The following EGFLAM variants were observed in gnomAD, a reference collection of about 807,000 sequenced individuals.
EGFLAM encodes the protein EGF like, fibronectin type III and laminin G domains.
A neutral mutation model predicts 113.1 loss-of-function variants in EGFLAM; 79 were observed. The observed-to-expected ratio is 0.70, with a 90% CI of 0.58 to 0.84. EGFLAM has a LOEUF of 0.84. EGFLAM is among the 40% of genes least tolerant of loss of function. EGFLAM has a pLI of 0.00. For synonymous variants in EGFLAM, 504 were observed against 487.6 expected, an observed-to-expected ratio of 1.03 and a Z score of -0.44; for missense variants, 1,265 against 1,291.6, an observed-to-expected ratio of 0.98 and a Z score of 0.32.
At position 38,370,379 on chromosome 5, in the gene EGFLAM, C is replaced by T; in HGVS notation, c.629C>T (p.Thr210Ile). 1.9e-6 allele frequency: 3 copies of T among 1,614,194 alleles called. No homozygotes were observed. In the East Asian group the frequency reaches 6.7e-5, roughly 36 times the overall value. ...GTTATCAAGGGCCTCGATCCAGATA[C>T]CAACTACCAGTTTGCCGTGAGGGCA... The part of the protein sequence containing the change: ...SMVIKGLDPD[T>I]NYQFAVRAMN... The change falls in exon 6 of 22, where the codon ACC becomes ATC. Residue 210 changes from threonine to isoleucine, a missense_variant. Thr to Ile is a moderately conservative substitution (Grantham distance 89). Transcript: ENST00000322350.
chr5:38,412,581 T>A lies in EGFLAM; in HGVS notation c.1427T>A (p.Leu476His). The change falls in exon 11 of 22, where the codon CTC becomes CAC. Residue 476 changes from leucine (L) to histidine (H), a missense_variant. By Grantham distance (99) the Leu-to-His change is moderately conservative. Coordinates refer to ENST00000322350, the MANE Select transcript of EGFLAM (RefSeq NM_152403.4). ...IKLGGWHTVMLYRDGLNGLLQ... is the reference protein window; with the variant it reads ...IKLGGWHTVMHYRDGLNGLLQ... ...CTAGGGGGTTGGCACACGGTTATGC[T>A]CTACAGAGATGGGCTGAACGGGCTG... 1 of 1,614,144 alleles carries A rather than the reference T, an allele frequency of 6.2e-7. No individual in the cohort carries two copies. The highest frequency in any genetic ancestry group is 1.1e-5 in the South Asian group (1 of 91,076).
chr5:38,439,659 C>G (rs1700105315), intron 17 of EGFLAM, among the ~76,000 whole-genome samples: 1 of 152,190 alleles, frequency 6.6e-6, no homozygotes, highest in African/African-American at 2.4e-5. Flanking sequence ...ATCTACATGG[C>G]AAATCTTCCT....
chr5:38,412,911 G>A (rs1741529861), intron 11 of EGFLAM, among the ~76,000 whole-genome samples: 1 of 152,182 alleles, frequency 6.6e-6, no homozygotes, highest in Admixed American at 6.5e-5. Flanking sequence ...CATCATTGCT[G>A]TTGGTGCATA....
At chr5:38,281,474 A>G (rs1243890233) in intron 1 of EGFLAM, among the ~76,000 whole-genome samples, 1 of 152,242 alleles carries the variant, frequency 6.6e-6, no homozygotes, top group East Asian at 1.9e-4. Context: ...GTTTATCTGA[A>G]GTTCAAATTT....
chr5:38,281,711 G>A (rs891164634), intron 1 of EGFLAM, among the ~76,000 whole-genome samples: 1 of 151,960 alleles, frequency 6.6e-6, no homozygotes, highest in Non-Finnish European at 1.5e-5. Context: ...GGTGAAATGG[G>A]GCCAGAAAAT....
intron 1 of EGFLAM, among the ~76,000 whole-genome samples, chr5:38,295,206 A>G (rs1409699009): frequency 1.3e-5 from 2 of 152,224 alleles, no homozygotes; most frequent in Non-Finnish European, 2.9e-5. Context: ...TGATGGCAAC[A>G]CATCATGGCT....
At chr5:38,326,566 T>C (rs937456584) in intron 1 of EGFLAM, among the ~76,000 whole-genome samples, 3 of 151,932 alleles carry the variant, frequency 2.0e-5, no homozygotes, top group African/African-American at 7.3e-5. Flanking sequence ...TGGTGCAATC[T>C]CAGCTCACTG....
intron 10 of EGFLAM, among the ~76,000 whole-genome samples, chr5:38,410,749 C>T (rs965414203): frequency 4.6e-5 from 7 of 152,204 alleles, no homozygotes; most frequent in African/African-American, 1.7e-4. Context: ...TGTCTCACCT[C>T]ACTGCTGAGC....
intron 11 of EGFLAM, among the ~76,000 whole-genome samples, chr5:38,415,347 A>C (rs1379448414): frequency 6.8e-6 from 1 of 147,542 alleles, no homozygotes; most frequent in Non-Finnish European, 1.5e-5. Flanking sequence ...TGGGCTGCAG[A>C]GCAAGACTCC....
At chr5:38,377,667 G>A (rs1483969205) in intron 6 of EGFLAM, among the ~76,000 whole-genome samples, 1 of 152,148 alleles carries the variant, frequency 6.6e-6, no homozygotes, top group Non-Finnish European at 1.5e-5. Flanking sequence ...CATTGGCAAG[G>A]TTCGCAGGCA....
intron 6 of EGFLAM, among the ~76,000 whole-genome samples, chr5:38,400,208 A>G (rs956522728): frequency 6.6e-6 from 1 of 152,210 alleles, no homozygotes; most frequent in Non-Finnish European, 1.5e-5. Context: ...TTCCAACTAC[A>G]TCATGTTGAT....
intron 5 of EGFLAM, among the ~76,000 whole-genome samples, chr5:38,364,937 A>C (rs1429795453): frequency 1.3e-5 from 2 of 152,132 alleles, no homozygotes; most frequent in Non-Finnish European, 2.9e-5. Flanking sequence ...GGTAGGTTTG[A>C]TGTGGAAAGA....
intron 15 of EGFLAM, among the ~76,000 whole-genome samples, chr5:38,433,981 C>T (rs924399535): frequency 6.6e-6 from 1 of 152,230 alleles, no homozygotes; most frequent in Non-Finnish European, 1.5e-5. Context: ...AGAGCTTCTT[C>T]CTCCATGACT....
chr5:38,279,215 A>T (rs1170691932), intron 1 of EGFLAM, among the ~76,000 whole-genome samples: 1 of 152,226 alleles, frequency 6.6e-6, no homozygotes, highest in African/African-American at 2.4e-5. Context: ...AAGGCAAAAG[A>T]TAACAAGTGT....
At chr5:38,290,149 G>T (rs1758277765) in intron 1 of EGFLAM, among the ~76,000 whole-genome samples, 1 of 152,120 alleles carries the variant, frequency 6.6e-6, no homozygotes, top group Middle Eastern at 3.2e-3. Flanking sequence ...CGGGGTAGAG[G>T]GTCAGTAATG....
intron 1 of EGFLAM, among the ~76,000 whole-genome samples, chr5:38,314,616 G>T (rs1738543896): frequency 6.6e-6 from 1 of 152,232 alleles, no homozygotes; most frequent in South Asian, 2.1e-4. Context: ...GGGCCTAGGT[G>T]AGCACTGCCA....
intron 1 of EGFLAM, among the ~76,000 whole-genome samples, chr5:38,327,654 G>T (rs1431218008): frequency 6.6e-6 from 1 of 152,040 alleles, no homozygotes; most frequent in African/African-American, 2.4e-5. Flanking sequence ...TTATAGAAGG[G>T]TTGGGTAGTC....
intron 1 of EGFLAM, among the ~76,000 whole-genome samples, chr5:38,335,369 G>A (rs547580810): frequency 1.1e-4 from 17 of 152,134 alleles, no homozygotes; most frequent in African/African-American, 3.4e-4. Flanking sequence ...ATGTACATGC[G>A]TGCTCTGAAA....
intron 1 of EGFLAM, among the ~76,000 whole-genome samples, chr5:38,280,386 C>T (rs1757984857): frequency 6.6e-6 from 1 of 152,242 alleles, no homozygotes; most frequent in East Asian, 1.9e-4. Context: ...CCTGACCTCA[C>T]TAGCTGTATC....
Sources: allele counts gnomAD v4.1 joint callset (sites outside exome capture counted in the v4.1 genomes callset), GRCh38; gene constraint gnomAD v4.1.1; transcripts MANE v1.5; gene names NCBI Gene and HGNC (gene_info 2026-07-23, HGNC 2026-07-21).